NUB1: variants seen among roughly 807,000 people sequenced by gnomAD.
NUB1 encodes the protein NEDD8 ultimate buster 1.
NUB1 carries 41 observed loss-of-function variants against 77.1 expected under a neutral mutation model. The observed-to-expected ratio is 0.53, with a 90% CI of 0.41 to 0.69. NUB1 has a LOEUF of 0.69. Among genes scored for constraint, NUB1 ranks in the 30% least tolerant of loss-of-function variants. The pLI, the probability that NUB1 is intolerant of heterozygous loss-of-function variation, is 0.00. For missense variants in NUB1, 643 were observed against 743.8 expected, an observed-to-expected ratio of 0.86 and a Z score of 1.58; for synonymous variants, 257 against 281.0, an observed-to-expected ratio of 0.91 and a Z score of 0.85.
rs776618183 is a variant in NUB1, at chr7:151,356,232, A to G, written c.693+10A>G. The G allele has an allele frequency of 2.5e-6, 4 of 1,583,246 alleles. No homozygotes were observed. In the South Asian group the frequency reaches 3.3e-5, roughly 13 times the overall value. The stretch of plus-strand genomic sequence containing the variant: ...CCCATCAGAAAGAAAAGTAAGTACT[A>G]TGAGAAATGTGTGGCCTGTTCTTAG... On this transcript the variant is annotated intron_variant, in intron 7 of 14. Coordinates refer to ENST00000568733, the MANE Select transcript of NUB1 (RefSeq NM_001243351.2).
intron 8 of NUB1, 54 bp from the exon 9 acceptor site, chr7:151,366,885 T>TA: frequency 6.9e-7 from 1 of 1,449,714 alleles, no homozygotes; most frequent in African/African-American, 1.4e-5. Context: ...TTTCAAATGC[T>TA]AAAAATGTTT....
chr7:151,364,747 C>T (rs550931460), intron 8 of NUB1, among the ~76,000 whole-genome samples: 1 of 152,206 alleles, frequency 6.6e-6, no homozygotes, highest in African/African-American at 2.4e-5. Flanking sequence ...ACCCTCTGAC[C>T]TCAGGTGATC....
At chr7:151,347,183 T>A (rs1796539864) in intron 2 of NUB1, among the ~76,000 whole-genome samples, 1 of 152,166 alleles carries the variant, frequency 6.6e-6, no homozygotes, top group Non-Finnish European at 1.5e-5. Flanking sequence ...AATGTATTTT[T>A]AAAATATGTT....
At chr7:151,352,005 A>C in intron 4 of NUB1, 1 of 436,586 alleles carries the variant, frequency 2.3e-6, no homozygotes, top group Non-Finnish European at 4.6e-6. Flanking sequence ...TGTATGTTTT[A>C]AAATGGTGTT....
At chr7:151,368,550 T>G (rs1797807512) in intron 10 of NUB1, among the ~76,000 whole-genome samples, 185 bp from the exon 11 acceptor site, 1 of 152,174 alleles carries the variant, frequency 6.6e-6, no homozygotes, top group Admixed American at 6.5e-5. Context: ...GTTATGTGAG[T>G]AGAGGTAGTG....
At chr7:151,353,326 A>G (rs1796905945) in intron 5 of NUB1, among the ~76,000 whole-genome samples, 1 of 151,870 alleles carries the variant, frequency 6.6e-6, no homozygotes, top group Admixed American at 6.6e-5. Context: ...GAATGAGGGG[A>G]GGGGAGTGCT....
intron 12 of NUB1, chr7:151,374,615 T>C (rs771983382): frequency 1.5e-4 from 44 of 292,768 alleles, no homozygotes; most frequent in Non-Finnish European, 2.5e-4. Context: ...CATTAAAATT[T>C]TAAATGTAAG....
At position 151,352,865 on chromosome 7, in the gene NUB1, A is replaced by C. The variant is rs1396128870; in HGVS notation, c.398A>C (p.Lys133Thr). ...QENYIKIVINKKQLQLGKTLE... is the reference protein window; with the variant it reads ...QENYIKIVINTKQLQLGKTLE... ...AATTATATCAAAATTGTCATAAATA[A>C]GAAGCAACTACAACTAGGTATGTAT... Residue 133 changes from lysine (K) to threonine (T), a missense_variant, in exon 5 of 15, where the codon AAG (lysine) becomes ACG (threonine). Physicochemically the swap from Lys to Thr is moderately conservative, Grantham distance 78. Coordinates refer to ENST00000568733, the MANE Select transcript of NUB1 (RefSeq NM_001243351.2). The C allele has an allele frequency of 6.5e-7, 1 of 1,549,834 alleles. No homozygotes were observed. The highest frequency in any genetic ancestry group is 2.3e-5 in the East Asian group (1 of 44,302).
At chr7:151,360,377 G>A (rs2150687946) in intron 8 of NUB1, 130 bp downstream of exon 8, 3 of 494,654 alleles carry the variant, frequency 6.1e-6, no homozygotes, top group Non-Finnish European at 1.1e-5. Context: ...GAGTAGTTAT[G>A]GTGTAAACTG....
chr7:151,364,238 G>C (rs1263687863), intron 8 of NUB1, among the ~76,000 whole-genome samples: 1 of 150,300 alleles, frequency 6.7e-6, no homozygotes, highest in African/African-American at 2.4e-5. Context: ...TGGCTAACAG[G>C]GCGAAACCCC....
intron 7 of NUB1, 148 bp downstream of exon 7, chr7:151,356,370 G>T (rs887770127): frequency 2.4e-5 from 16 of 666,704 alleles, no homozygotes; most frequent in Middle Eastern, 8.0e-4. Flanking sequence ...TCACCACGTG[G>T]TGAGCACTGG....
At chr7:151,344,924 CA>C (rs1388142389) in intron 1 of NUB1, among the ~76,000 whole-genome samples, 1 of 151,998 alleles carries the variant, frequency 6.6e-6, no homozygotes, top group African/African-American at 2.4e-5. Context: ...TGCTTGAACC[CA>C]GGGGGCGGAG....
In NUB1 at chr7:151,378,014, TAA is replaced by T. The variant is rs781173003; in HGVS notation, c.*790_*791del. 2 of 152,266 alleles carry T rather than the reference TAA, an allele frequency of 1.3e-5. No homozygotes were observed. Among genetic ancestry groups the T allele is most frequent in the Non-Finnish European group, 2.9e-5 (2 of 68,050 alleles). The allele number at this position is 152,266 out of a possible 1,614,324, so 9.4% of individuals were successfully genotyped here. The stretch of plus-strand genomic sequence containing the variant: ...CTGTCATACTGAACTCACTGCTAGC[TAA>T]GAGACCTATCAGAGATTTAGATATA... On this transcript the variant is annotated 3_prime_UTR_variant, in exon 15 of 15. Coordinates refer to ENST00000568733, the MANE Select transcript of NUB1 (RefSeq NM_001243351.2).
intron 3 of NUB1, 24 bp from the exon 4 acceptor site, chr7:151,351,400 T>TTTAC (rs781085092): frequency 6.3e-7 from 1 of 1,574,922 alleles, no homozygotes; most frequent in Admixed American, 1.7e-5. Context: ...TCAAGTACGT[T>TTTAC]TTACTTTGTC....
At chr7:151,344,868 C>G (rs6464138) in intron 1 of NUB1, among the ~76,000 whole-genome samples, 8 of 151,536 alleles carry the variant, frequency 5.3e-5, no homozygotes, top group African/African-American at 1.5e-4. Flanking sequence ...GGCGTGGTGG[C>G]GCATGCCTGT....
At position 151,367,871 on chromosome 7, in the gene NUB1, G is replaced by A; in HGVS notation, c.998G>A (p.Gly333Glu). 1 of 1,580,024 alleles carries A rather than the reference G, an allele frequency of 6.3e-7. No individual in the cohort carries two copies. The highest frequency in any genetic ancestry group is 8.6e-7 in the Non-Finnish European group (1 of 1,163,150). The change falls in exon 10 of 15, where the codon GGG becomes GAG. Residue 333 changes from glycine to glutamate, a missense_variant. By Grantham distance (98) the Gly-to-Glu change is moderately conservative. Transcript: ENST00000568733. ...CTTCAATAATTTTAGGGAAATTGTG[G>A]GAAAGAGAAGGTACTGTTTCTAAGA... ...QRLVHIKGNC[G>E]KEKVLFLRLY...
At position 151,355,891 on chromosome 7, in the gene NUB1, A is replaced by G. The variant is rs577604861; in HGVS notation, c.539A>G (p.Lys180Arg). 3 of 1,613,958 alleles carry G rather than the reference A, an allele frequency of 1.9e-6. No individual in the cohort carries two copies. The East Asian group carries it at 6.7e-5, about 36-fold the overall frequency. The change falls in exon 6 of 15, where the codon AAA becomes AGA. Residue 180 changes from lysine to arginine, a missense_variant. Coordinates refer to ENST00000568733, the MANE Select transcript of NUB1 (RefSeq NM_001243351.2). ...GAGGAAGAGGAGCAAAATGAGGCCA[A>G]ACTCAAAGAAAAACAAATTCAGAGG... ...QLEEEEQNEA[K>R]LKEKQIQRTK...
intron 11 of NUB1, among the ~76,000 whole-genome samples, chr7:151,371,828 T>C (rs1317249869): frequency 1.3e-5 from 2 of 152,268 alleles, no homozygotes; most frequent in Non-Finnish European, 2.9e-5. Flanking sequence ...ACTGCAACCT[T>C]GATCTCCCGG....
At chr7:151,342,012 G>GGGCCGC in intron 1 of NUB1, 166 bp downstream of exon 1, 1 of 1,243,702 alleles carries the variant, frequency 8.0e-7, no homozygotes, top group Non-Finnish European at 1.0e-6. Context: ...GCCGGGGCCG[G>GGGCCGC]GAGCGGTGGG....
Sources: allele counts gnomAD v4.1 joint callset (sites outside exome capture counted in the v4.1 genomes callset), GRCh38; gene constraint gnomAD v4.1.1; transcripts MANE v1.5; gene names NCBI Gene and HGNC (gene_info 2026-07-23, HGNC 2026-07-21).